The following RGPD3 variants were observed in gnomAD, a reference collection of about 807,000 sequenced individuals.
The protein encoded by RGPD3 is RANBP2 like and GRIP domain containing 3, also known as ranBP2-like and GRIP domain-containing protein 3.
Under a neutral mutation model 154.5 loss-of-function variants are expected in RGPD3, and 62 were observed. The ratio of observed to expected loss-of-function variants is 0.40; its 90% CI spans 0.33 to 0.50. The LOEUF is 0.50. Ranked by LOEUF, RGPD3 falls within the 20% of genes least tolerant of loss-of-function variation. The pLI, the probability that RGPD3 is intolerant of heterozygous loss-of-function variation, is 0.59. For synonymous variants in RGPD3, 308 were observed against 607.0 expected (o/e 0.51, Z 7.24); for missense variants, 919 against 1,716.8 (o/e 0.54, Z 8.21).
chr2:106,417,923 G>T (rs1676864780), intron 20 of RGPD3, among the ~76,000 whole-genome samples: 1 of 149,976 alleles, frequency 6.7e-6, no homozygotes, highest in Admixed American at 6.6e-5. Context: ...AGGTCAGCAA[G>T]TTCAAGACCA....
intron 21 of RGPD3, among the ~76,000 whole-genome samples, chr2:106,415,042 G>A (rs1440036994): frequency 6.6e-6 from 1 of 151,980 alleles, no homozygotes; most frequent in African/African-American, 2.4e-5. Flanking sequence ...ACTATATTCT[G>A]AGGGGTGATT....
chr2:106,460,838 CATA>C (rs1678383529), intron 1 of RGPD3, among the ~76,000 whole-genome samples: 1 of 73,158 alleles, frequency 1.4e-5, no homozygotes. Context: ...GATTCCATCT[CATA>C]AAAAAAAAAA....
rs776880348 is a variant in RGPD3, at chr2:106,441,367, T to G, written c.992A>C (p.Lys331Thr). ...YLIAFQVPRP[K>T]IKLIKGEAGQ... The stretch of plus-strand genomic sequence containing the variant: ...AGCTTCACCTTTTATTAATTTAATC[T>G]TTGGTCTTGGAACCTAATAATTTTA... Residue 331 changes from lysine to threonine, a missense_variant, in exon 8 of 23, where the codon AAG (lysine) becomes ACG (threonine). By Grantham distance (78) the Lys-to-Thr change is moderately conservative. Coordinates refer to ENST00000409886, the MANE Select transcript of RGPD3 (RefSeq NM_001144013.2). 1 of 1,533,008 alleles carries G rather than the reference T, an allele frequency of 6.5e-7. No homozygotes were observed. Among genetic ancestry groups the G allele is most frequent in the Non-Finnish European group, 8.8e-7 (1 of 1,136,612 alleles). The allele number at this position is 1,533,008 out of a possible 1,614,324, so 95.0% of individuals were successfully genotyped here.
upstream of RGPD3, among the ~76,000 whole-genome samples, chr2:106,468,604 A>G: frequency 6.6e-6 from 1 of 152,078 alleles, no homozygotes; most frequent in East Asian, 1.9e-4. Context: ...TCAAGAGTTC[A>G]AGACCAGCCT....
intron 20 of RGPD3, among the ~76,000 whole-genome samples, chr2:106,417,534 GGAAGACACA>G (rs1676855879): frequency 6.7e-6 from 1 of 149,456 alleles, no homozygotes; most frequent in African/African-American, 2.5e-5. Flanking sequence ...ATGTGCTGGC[GGAAGACACA>G]GACTCCGTAT....
chr2:106,469,993 G>A (rs1429151095), upstream of RGPD3, among the ~76,000 whole-genome samples: 1 of 152,144 alleles, frequency 6.6e-6, no homozygotes, highest in South Asian at 2.1e-4. Context: ...TGGTAAGAGT[G>A]TAAATCCCAG....
chr2:106,466,444 C>G (rs1435062174), intron 1 of RGPD3, among the ~76,000 whole-genome samples: 4 of 123,602 alleles, frequency 3.2e-5, no homozygotes, highest in East Asian at 2.8e-4. Flanking sequence ...CCTGAGCCAT[C>G]GAGGCCGCCG....
At chr2:106,466,173 G>C (rs1678575867) in intron 1 of RGPD3, among the ~76,000 whole-genome samples, 1 of 152,096 alleles carries the variant, frequency 6.6e-6, no homozygotes, top group Admixed American at 6.5e-5. Context: ...CAAGCGTCGG[G>C]AACAAGCCGG....
In RGPD3 at chr2:106,468,358, G is replaced by A. The variant is rs9751480; in HGVS notation, c.-70C>T. ...GCCCCGCAGCAGTCGCCAATTCCAA[G>A]AGGAAAGCGCCTGAAAGCCACTGAG... On this transcript the variant is annotated 5_prime_UTR_variant, in exon 1 of 23. Transcript: ENST00000409886. 1.5e-4 allele frequency: 236 copies of A among 1,552,228 alleles called. 1 individual carries two copies. In the African/African-American group the frequency reaches 2.7e-3, roughly 18 times the overall value.
intron 7 of RGPD3, among the ~76,000 whole-genome samples, chr2:106,441,904 G>C (rs1573278698): frequency 1.8e-5 from 2 of 113,242 alleles, no homozygotes; most frequent in South Asian, 5.7e-4. Context: ...AGAGGGGCCA[G>C]ACATGTTGGC....
chr2:106,412,372 G>A (rs1676702838), intron 22 of RGPD3, among the ~76,000 whole-genome samples: 1 of 127,880 alleles, frequency 7.8e-6, no homozygotes, highest in Non-Finnish European at 1.6e-5. Context: ...GAGTACAGTG[G>A]TGTGACAGAT....
intron 1 of RGPD3, among the ~76,000 whole-genome samples, chr2:106,467,362 C>G (rs1421051256): frequency 3.2e-5 from 4 of 124,400 alleles, no homozygotes; most frequent in Non-Finnish European, 7.0e-5. Context: ...TCGAGGCCGC[C>G]GCCTCAACAG....
intron 7 of RGPD3, among the ~76,000 whole-genome samples, chr2:106,442,482 A>C (rs62152476): frequency 0.16 from 18,951 of 115,460 alleles, 1,537 homozygotes; most frequent in South Asian, 0.21. Context: ...AAGAGATCCT[A>C]ATGCAATAAC....
intron 18 of RGPD3, among the ~76,000 whole-genome samples, chr2:106,429,392 C>A (rs1362358208): frequency 1.3e-5 from 2 of 151,634 alleles, no homozygotes; most frequent in Non-Finnish European, 2.9e-5. Flanking sequence ...AATCTAATCT[C>A]AGCTCATCTG....
intron 1 of RGPD3, among the ~76,000 whole-genome samples, chr2:106,463,186 G>T (rs1334714609): frequency 6.8e-6 from 1 of 147,778 alleles, no homozygotes; most frequent in Non-Finnish European, 1.5e-5. Context: ...TCAAAATTGC[G>T]AAAAAAATTA....
intron 22 of RGPD3, 146 bp from the exon 23 acceptor site, chr2:106,405,375 CTTTTTTT>C: frequency 1.7e-5 from 7 of 412,154 alleles, no homozygotes; most frequent in East Asian, 1.4e-4. Flanking sequence ...GGGGGGGGTT[CTTTTTTT>C]TTTTTTTTTT....
At chr2:106,410,284 A>G (rs1175709192) in intron 22 of RGPD3, among the ~76,000 whole-genome samples, 4 of 152,178 alleles carry the variant, frequency 2.6e-5, no homozygotes, top group Admixed American at 1.3e-4. Context: ...TTGATAAGAG[A>G]CAAGTAGTAA....
intron 22 of RGPD3, among the ~76,000 whole-genome samples, chr2:106,407,487 G>A (rs1239515540): frequency 6.6e-6 from 1 of 151,562 alleles, no homozygotes; most frequent in Non-Finnish European, 1.5e-5. Flanking sequence ...CTTGGCACTG[G>A]TTATGTGTTC....
At chr2:106,426,170 C>T in intron 18 of RGPD3, 82 bp from the exon 19 acceptor site, 2 of 1,519,136 alleles carry the variant, frequency 1.3e-6, no homozygotes, top group Non-Finnish European at 1.8e-6. Flanking sequence ...GCTACAAATA[C>T]AAAAGCAATA....
Sources: gnomAD v4.1 joint callset for allele counts (sites outside exome capture counted in the v4.1 genomes callset) on GRCh38, gnomAD v4.1.1 for gene constraint, MANE v1.5 for transcripts, NCBI Gene and HGNC (gene_info 2026-07-23, HGNC 2026-07-21) for gene names.